The following SLC26A7 variants were observed in gnomAD, a reference collection of about 807,000 sequenced individuals.
SLC26A7 encodes solute carrier family 26 member 7.
A neutral mutation model predicts 82.5 loss-of-function variants in SLC26A7; 59 were observed. That is an observed-to-expected ratio of 0.72 (90% CI 0.58 to 0.89). The LOEUF is 0.89. SLC26A7 is among the 40% of genes least tolerant of loss of function. SLC26A7 has a pLI of 0.00. For synonymous variants in SLC26A7, 271 were observed against 274.3 expected (o/e 0.99, Z 0.12); for missense variants, 820 against 793.0 (o/e 1.03, Z -0.41).
chr8:91,275,792 G>A (rs73694610), intron 2 of SLC26A7, among the ~76,000 whole-genome samples: 3,702 of 152,234 alleles, frequency 0.024, 157 homozygotes, highest in African/African-American at 0.08. Flanking sequence ...TAAATTGTGT[G>A]AGAAGGGAGT....
At chr8:91,242,323 AAAT>A (rs1810485969) in intron 2 of SLC26A7, among the ~76,000 whole-genome samples, 1 of 152,214 alleles carries the variant, frequency 6.6e-6, no homozygotes. Flanking sequence ...GATTGTTCTC[AAAT>A]AATGCCTACT....
In SLC26A7 at chr8:91,391,216, T is replaced by G. The variant is rs77200834; in HGVS notation, c.1776+1778T>G. 4.9e-3 allele frequency among the ~76,000 whole-genome samples: 747 copies of G among 152,232 alleles called. 10 individuals carry two copies. The highest frequency in any genetic ancestry group is 0.017 in the African/African-American group (686 of 41,528). ...GTGAAGATACGGGTGGGAGTGTGTG[T>G]AGGGGAATTGCTTAGTATGTGGAAG... On this transcript the variant is annotated intron_variant, in intron 16 of 18. Coordinates refer to ENST00000276609, the MANE Select transcript of SLC26A7 (RefSeq NM_052832.4).
Position 91,283,321 on chromosome 8 carries a change from G to A in SLC26A7, c.194-5815G>A, listed in dbSNP as rs776180656. ...GGGAAGGGAGAGAGGAATAGGGAGA[G>A]GGAGAACAGAATTTGTACAACACCT... On this transcript the variant is annotated intron_variant, in intron 2 of 18. Transcript: ENST00000276609. Among the ~76,000 whole-genome samples the A allele has an allele frequency of 3.3e-5, 5 of 152,104 alleles. 1 individual carries two copies. Among genetic ancestry groups the A allele is most frequent in the Non-Finnish European group, 2.9e-5 (2 of 68,008 alleles).
Position 91,394,025 on chromosome 8 carries a change from A to G in SLC26A7, c.1921A>G (p.Ile641Val). The part of the protein sequence containing the change: ...FESVSAAISH[I>V]HSNKNLSKLS... ...ATCGGTATCTGCTGCAATAAGTCAT[A>G]TCCATTCAAATAAGGTGAGTTGATT... The change falls in exon 18 of 19, where the codon ATC (isoleucine) becomes GTC (valine). Residue 641 changes from isoleucine to valine, a missense_variant. Ile to Val is a conservative substitution (Grantham distance 29, BLOSUM62 3). Coordinates refer to ENST00000276609, the MANE Select transcript of SLC26A7 (RefSeq NM_052832.4). The G allele has an allele frequency of 1.2e-6, 2 of 1,613,226 alleles. No homozygotes were observed. Among genetic ancestry groups the G allele is most frequent in the Non-Finnish European group, 1.7e-6 (2 of 1,179,308 alleles).
In SLC26A7 at chr8:91,295,513, C is replaced by A; in HGVS notation, c.305-18C>A. Reference sequence around the variant, plus strand: ...ATCAAATTACTAATAGAAGATTCCCCACACCACTTGGTTTCAGGCACCTTT... The same window carrying A: ...ATCAAATTACTAATAGAAGATTCCCAACACCACTTGGTTTCAGGCACCTTT... On this transcript the variant is annotated intron_variant, in intron 3 of 18. Coordinates refer to ENST00000276609, the MANE Select transcript of SLC26A7 (RefSeq NM_052832.4). 1 of 1,603,346 alleles carries A rather than the reference C, an allele frequency of 6.2e-7. No homozygotes were observed. The highest frequency in any genetic ancestry group is 8.5e-7 in the Non-Finnish European group (1 of 1,173,970).
intron 13 of SLC26A7, among the ~76,000 whole-genome samples, chr8:91,363,928 G>C (rs1814118253): frequency 6.8e-6 from 1 of 146,722 alleles, no homozygotes; most frequent in Non-Finnish European, 1.5e-5. Context: ...AAGCAAATTT[G>C]GTTCATGGTA....
chr8:91,394,151 G>GCCCCC, intron 18 of SLC26A7, 112 bp downstream of exon 18: 1 of 1,595,466 alleles, frequency 6.3e-7, no homozygotes. Flanking sequence ...AAATCTGTTA[G>GCCCCC]CCCCCCACCC....
intron 15 of SLC26A7, among the ~76,000 whole-genome samples, chr8:91,388,254 C>T (rs1814852740): frequency 6.6e-6 from 1 of 150,742 alleles, no homozygotes; most frequent in Non-Finnish European, 1.5e-5. Flanking sequence ...CCTCAGCCTC[C>T]CGAGCGGGAT....
intron 13 of SLC26A7, among the ~76,000 whole-genome samples, chr8:91,365,282 A>C (rs987532948): frequency 6.6e-6 from 1 of 152,238 alleles, no homozygotes; most frequent in African/African-American, 2.4e-5. Context: ...CACACATAAA[A>C]TACACTAACA....
At chr8:91,310,345 G>A (rs1207318772) in intron 4 of SLC26A7, among the ~76,000 whole-genome samples, 5 of 152,126 alleles carry the variant, frequency 3.3e-5, no homozygotes, top group African/African-American at 1.2e-4. Flanking sequence ...GGCTCCATTG[G>A]TTGGTAAAAG....
intron 2 of SLC26A7, among the ~76,000 whole-genome samples, chr8:91,282,890 C>T (rs1811612135): frequency 6.6e-6 from 1 of 152,198 alleles, no homozygotes; most frequent in African/African-American, 2.4e-5. Context: ...TTTGTCCCCT[C>T]CTCAGGCATC....
intron 4 of SLC26A7, among the ~76,000 whole-genome samples, chr8:91,307,853 A>C (rs866602410): frequency 6.6e-6 from 1 of 150,660 alleles, no homozygotes; most frequent in Non-Finnish European, 1.5e-5. Context: ...ATAAAATAAA[A>C]TGCTAGACCA....
intron 3 of SLC26A7, among the ~76,000 whole-genome samples, chr8:91,292,389 T>G (rs948115159): frequency 3.9e-5 from 6 of 152,192 alleles, no homozygotes; most frequent in Admixed American, 3.3e-4. Context: ...TGTTTTGACC[T>G]TCCTTTAATC....
At chr8:91,266,445 C>A (rs1163844231) in intron 2 of SLC26A7, among the ~76,000 whole-genome samples, 3 of 151,840 alleles carry the variant, frequency 2.0e-5, no homozygotes, top group Non-Finnish European at 2.9e-5. Flanking sequence ...AGATCTTTCC[C>A]ATCCTTGGTT....
At chr8:91,243,981 G>C (rs1484138539) in intron 2 of SLC26A7, among the ~76,000 whole-genome samples, 2 of 152,166 alleles carry the variant, frequency 1.3e-5, no homozygotes, top group African/African-American at 4.8e-5. Context: ...AGTATGTGTA[G>C]TTGCAAAATG....
intron 2 of SLC26A7, among the ~76,000 whole-genome samples, chr8:91,228,335 G>GA (rs1234676622): frequency 1.3e-5 from 2 of 152,232 alleles, no homozygotes; most frequent in Non-Finnish European, 2.9e-5. Context: ...GCCTGCTTTA[G>GA]AAGGTGGGAT....
chr8:91,252,874 T>C (rs1810698061), intron 2 of SLC26A7, among the ~76,000 whole-genome samples: 1 of 152,118 alleles, frequency 6.6e-6, no homozygotes, highest in East Asian at 1.9e-4. Context: ...ATGTCCCCTA[T>C]ATGCTGGCAG....
At chr8:91,372,800 C>A (rs1814402962) in intron 15 of SLC26A7, among the ~76,000 whole-genome samples, 1 of 151,670 alleles carries the variant, frequency 6.6e-6, no homozygotes, top group African/African-American at 2.4e-5. Context: ...TGTATTGGAT[C>A]TGTAGATTGT....
chr8:91,310,832 G>A (rs958982741), intron 4 of SLC26A7, among the ~76,000 whole-genome samples: 1 of 146,350 alleles, frequency 6.8e-6, no homozygotes, highest in African/African-American at 2.7e-5. Flanking sequence ...GAAGCATGCC[G>A]ACATATAAAA....
Sources: gnomAD v4.1 joint callset for allele counts (sites outside exome capture counted in the v4.1 genomes callset) on GRCh38, gnomAD v4.1.1 for gene constraint, MANE v1.5 for transcripts, NCBI Gene and HGNC (gene_info 2026-07-23, HGNC 2026-07-21) for gene names.